The following MAPKAPK3 variants were observed in gnomAD, a reference collection of about 807,000 sequenced individuals.
The protein encoded by MAPKAPK3 is MAPK activated protein kinase 3, also known as MAP kinase-activated protein kinase 3.
A neutral mutation model predicts 49.2 loss-of-function variants in MAPKAPK3; 35 were observed. The observed-to-expected ratio is 0.71, with a 90% CI of 0.54 to 0.94. MAPKAPK3 has a LOEUF of 0.94. Among genes scored for constraint, MAPKAPK3 ranks in the 40% least tolerant of loss-of-function variants. The pLI is 0.00. For synonymous variants in MAPKAPK3, 178 were observed against 188.7 expected, an observed-to-expected ratio of 0.94 and a Z score of 0.46; for missense variants, 398 against 493.1, an observed-to-expected ratio of 0.81 and a Z score of 1.83.
intron 2 of MAPKAPK3, among the ~76,000 whole-genome samples, chr3:50,634,795 C>T (rs1293401152): frequency 6.6e-6 from 1 of 152,204 alleles, no homozygotes; most frequent in East Asian, 1.9e-4. Flanking sequence ...TTAGCCCCTT[C>T]CTATCTTCTT....
At chr3:50,645,822 C>A (rs1350451215) in intron 7 of MAPKAPK3, 37 bp downstream of exon 7, 1 of 1,593,016 alleles carries the variant, frequency 6.3e-7, no homozygotes, top group Admixed American at 1.7e-5. Context: ...CCATCTCCTG[C>A]CCTTACCCCC....
upstream of MAPKAPK3, among the ~76,000 whole-genome samples, chr3:50,616,160 G>C (rs1280796985): frequency 6.6e-6 from 1 of 152,214 alleles, no homozygotes; most frequent in East Asian, 1.9e-4. Context: ...CACCTTCCCA[G>C]TTCCAAGTGA....
intron 5 of MAPKAPK3, 133 bp downstream of exon 5, chr3:50,642,465 C>A: frequency 1.5e-6 from 1 of 667,408 alleles, no homozygotes; most frequent in South Asian, 1.7e-5. Flanking sequence ...TGCTCTGTGT[C>A]CCAGACTGCT....
At chr3:50,627,291 A>C (rs1388771827) in intron 2 of MAPKAPK3, among the ~76,000 whole-genome samples, 2 of 151,480 alleles carry the variant, frequency 1.3e-5, no homozygotes, top group Non-Finnish European at 2.9e-5. Context: ...CGGCAGTGCC[A>C]GGGAAGCAGG....
At position 50,646,175 on chromosome 3, in the gene MAPKAPK3, G is replaced by C. The variant is rs780822673; in HGVS notation, c.740G>C (p.Gly247Ala). The change falls in exon 8 of 11, where the codon GGC (glycine) becomes GCC (alanine). Residue 247 changes from glycine to alanine, a missense_variant. By Grantham distance (60) the Gly-to-Ala change is moderately conservative (BLOSUM62 0). This residue lies in a region of MAPKAPK3 where 152 missense variants were observed against 177.3 expected (regional missense o/e 0.86). Transcript: ENST00000621469. Reference protein sequence around the residue: ...CGFPPFYSNTGQAISPGMKRR... With the variant: ...CGFPPFYSNTAQAISPGMKRR... Reference sequence around the variant, plus strand: ...TTCCCACCCTTCTACTCCAACACGGGCCAGGCCATCTCCCCGGGGATGAAG... The same window carrying C: ...TTCCCACCCTTCTACTCCAACACGGCCCAGGCCATCTCCCCGGGGATGAAG... 1 of 1,613,962 alleles carries C rather than the reference G, an allele frequency of 6.2e-7. No individual in the cohort carries two copies. The highest frequency in any genetic ancestry group is 8.5e-7 in the Non-Finnish European group (1 of 1,180,012).
intron 2 of MAPKAPK3, among the ~76,000 whole-genome samples, chr3:50,628,604 TG>T (rs775354691): frequency 6.6e-5 from 10 of 152,190 alleles, no homozygotes; most frequent in Non-Finnish European, 1.3e-4. Flanking sequence ...CTTCTGAGTA[TG>T]TACTCAGGGG....
At chr3:50,611,808 A>G, upstream of MAPKAPK3, 1 of 985,030 alleles carries the variant, frequency 1.0e-6, no homozygotes, top group Non-Finnish European at 1.4e-6. Flanking sequence ...TGCGAGGGCG[A>G]GGGGGGCGGG....
intron 2 of MAPKAPK3, among the ~76,000 whole-genome samples, chr3:50,624,426 G>A (rs774459109): frequency 8.5e-5 from 13 of 152,174 alleles, no homozygotes; most frequent in African/African-American, 3.1e-4. Flanking sequence ...CAGCAGGGCC[G>A]GTGTCAAAGT....
At chr3:50,616,927 G>A (rs1328098679), upstream of MAPKAPK3, among the ~76,000 whole-genome samples, 1 of 151,992 alleles carries the variant, frequency 6.6e-6, no homozygotes, top group African/African-American at 2.4e-5. Context: ...GGGCCTCCCT[G>A]GGTGTCCCTG....
At chr3:50,634,577 T>A in intron 2 of MAPKAPK3, among the ~76,000 whole-genome samples, 1 of 151,718 alleles carries the variant, frequency 6.6e-6, no homozygotes, top group Non-Finnish European at 1.5e-5. Flanking sequence ...CAACCTCCAC[T>A]TCCCGGGTTC....
chr3:50,645,924 C>T, intron 7 of MAPKAPK3, 139 bp downstream of exon 7: 3 of 1,004,142 alleles, frequency 3.0e-6, no homozygotes, highest in South Asian at 1.4e-5. Flanking sequence ...GCTGCCCTTC[C>T]CTTTTGGTCA....
chr3:50,626,215 C>G (rs1276358737), intron 2 of MAPKAPK3, among the ~76,000 whole-genome samples: 3 of 152,134 alleles, frequency 2.0e-5, no homozygotes, highest in Non-Finnish European at 4.4e-5. Flanking sequence ...CCAAGGGTTC[C>G]CTAGCCACAG....
chr3:50,634,537 G>A (rs2032987179), intron 2 of MAPKAPK3, among the ~76,000 whole-genome samples: 1 of 151,606 alleles, frequency 6.6e-6, no homozygotes, highest in African/African-American at 2.4e-5. Flanking sequence ...TGCCCAGGCT[G>A]GAGTGCAATG....
chr3:50,640,684 CATA>C (rs2033160132), intron 3 of MAPKAPK3, among the ~76,000 whole-genome samples, 179 bp downstream of exon 3: 1 of 152,186 alleles, frequency 6.6e-6, no homozygotes, highest in Non-Finnish European at 1.5e-5. Context: ...TGGAGTTGGC[CATA>C]AGGACATTCC....
At chr3:50,645,432 CCTTCT>C (rs1299882373) in intron 6 of MAPKAPK3, among the ~76,000 whole-genome samples, 26 of 152,322 alleles carry the variant, frequency 1.7e-4, no homozygotes, top group African/African-American at 6.0e-4. Flanking sequence ...CCCAGACTGG[CCTTCT>C]CTTCTCTTCT....
chr3:50,640,889 C>T (rs2033164333), intron 3 of MAPKAPK3, among the ~76,000 whole-genome samples: 1 of 152,164 alleles, frequency 6.6e-6, no homozygotes, highest in African/African-American at 2.4e-5. Flanking sequence ...GGTATGTGCT[C>T]CCATGGTCCC....
intron 2 of MAPKAPK3, among the ~76,000 whole-genome samples, chr3:50,639,883 C>G (rs1022828305): frequency 3.3e-5 from 5 of 152,172 alleles, no homozygotes; most frequent in Non-Finnish European, 7.4e-5. Context: ...AGGGAGGCAC[C>G]AAGGGCCTAC....
intron 2 of MAPKAPK3, among the ~76,000 whole-genome samples, chr3:50,627,280 T>C (rs1165985104): frequency 3.3e-5 from 5 of 151,246 alleles, no homozygotes; most frequent in Non-Finnish European, 7.4e-5. Flanking sequence ...GCAATGATCA[T>C]CGGCAGTGCC....
intron 2 of MAPKAPK3, among the ~76,000 whole-genome samples, chr3:50,634,904 A>G (rs533340413): frequency 6.6e-6 from 1 of 152,318 alleles, no homozygotes; most frequent in East Asian, 1.9e-4. Flanking sequence ...GGGGACCCAG[A>G]GGCTGCTCCA....
Sources: gnomAD v4.1 joint callset for allele counts (sites outside exome capture counted in the v4.1 genomes callset) on GRCh38, gnomAD v4.1.1 for gene constraint, gnomAD v4.1.1 regional missense constraint, MANE v1.5 for transcripts, NCBI Gene and HGNC (gene_info 2026-07-23, HGNC 2026-07-21) for gene names.